Variants in KIAA0513 observed in about 807,000 individuals in gnomAD.
KIAA0513 encodes uncharacterized protein KIAA0513.
KIAA0513 carries 39 observed loss-of-function variants against 56.5 expected under a neutral mutation model. The observed-to-expected ratio is 0.69, with a 90% CI of 0.53 to 0.90. The LOEUF is 0.90. KIAA0513 is among the 40% of genes least tolerant of loss of function. KIAA0513 has a pLI of 0.00. For synonymous variants in KIAA0513, 268 were observed against 215.6 expected (o/e 1.24, Z -2.13); for missense variants, 591 against 535.2 (o/e 1.10, Z -1.03).
intron 4 of KIAA0513, among the ~76,000 whole-genome samples, chr16:85,073,459 G>C (rs553742996): frequency 6.6e-6 from 1 of 152,360 alleles, no homozygotes; most frequent in South Asian, 2.1e-4. Flanking sequence ...ATCACAGGAA[G>C]CCCTTGGTAG....
intron 1 of KIAA0513, among the ~76,000 whole-genome samples, chr16:85,039,572 G>T (rs2073078837): frequency 6.6e-6 from 1 of 152,154 alleles, no homozygotes; most frequent in South Asian, 2.1e-4. Context: ...CTGAGTAACT[G>T]GGACTACAGA....
At chr16:85,080,640 C>G (rs1245965627) in intron 8 of KIAA0513, among the ~76,000 whole-genome samples, 1 of 152,062 alleles carries the variant, frequency 6.6e-6, no homozygotes, top group Non-Finnish European at 1.5e-5. Flanking sequence ...ACTAAAAATA[C>G]AAAATAAGCT....
At chr16:85,077,039 G>C (rs555710356) in intron 5 of KIAA0513, among the ~76,000 whole-genome samples, 1 of 152,000 alleles carries the variant, frequency 6.6e-6, no homozygotes, top group Non-Finnish European at 1.5e-5. Flanking sequence ...CCCCCAACCC[G>C]GTGTCTCCAC....
At chr16:85,038,721 A>AAAT (rs1204727786) in intron 1 of KIAA0513, among the ~76,000 whole-genome samples, 10 of 135,142 alleles carry the variant, frequency 7.4e-5, no homozygotes, top group East Asian at 2.3e-4. Context: ...AAAAAAAAAA[A>AAAT]AATAATAATA....
intron 1 of KIAA0513, among the ~76,000 whole-genome samples, chr16:85,030,538 G>A (rs1333338792): frequency 6.6e-6 from 1 of 152,126 alleles, no homozygotes; most frequent in Non-Finnish European, 1.5e-5. Context: ...CCTGAGGTCA[G>A]GAGTTCGAGA....
intron 8 of KIAA0513, chr16:85,079,393 C>T (rs1015984924): frequency 3.3e-5 from 7 of 210,130 alleles, no homozygotes; most frequent in Admixed American, 5.2e-5. Context: ...AAACCACCTT[C>T]ATGGCTGTCC....
chr16:85,080,006 C>A (rs891818475), intron 8 of KIAA0513, among the ~76,000 whole-genome samples: 4 of 152,188 alleles, frequency 2.6e-5, no homozygotes, highest in Non-Finnish European at 5.9e-5. Flanking sequence ...GGCCCTCCCT[C>A]CCCTGAAGAT....
intron 1 of KIAA0513, among the ~76,000 whole-genome samples, chr16:85,053,828 C>T (rs1396301652): frequency 3.3e-5 from 5 of 152,020 alleles, no homozygotes; most frequent in African/African-American, 9.7e-5. Flanking sequence ...CCCGTCTCTA[C>T]TAAAAATACA....
In KIAA0513 at chr16:85,067,168, G is replaced by C; in HGVS notation, c.97G>C (p.Asp33His). 1 of 1,614,168 alleles carries C rather than the reference G, an allele frequency of 6.2e-7. No homozygotes were observed. Among genetic ancestry groups the C allele is most frequent in the Non-Finnish European group, 8.5e-7 (1 of 1,180,026 alleles). ...PLEAPPPVLQDGDGSLGDGAS... is the reference protein window; with the variant it reads ...PLEAPPPVLQHGDGSLGDGAS... ...GGAGGCACCACCCCCTGTGCTGCAG[G>C]ACGGCGATGGCTCCCTGGGGGACGG... is the stretch of plus-strand genomic sequence containing the variant. Residue 33 changes from aspartate (D) to histidine (H), a missense_variant, in exon 2 of 13, where the codon GAC becomes CAC. By Grantham distance (81) the Asp-to-His change is moderately conservative. Transcript: ENST00000683363.
At position 85,091,484 on chromosome 16, in the gene KIAA0513, C is replaced by T. The variant is rs2073866908; in HGVS notation, c.*3159C>T. On this transcript the variant is annotated 3_prime_UTR_variant, in exon 13 of 13. Coordinates refer to ENST00000683363, the MANE Select transcript of KIAA0513 (RefSeq NM_001388359.1). ...AGGGGGCCAAACAGCTCTGAAATTTCCAAAAAATGGCTAGAGGGAGAGTCC... is the reference window on the plus strand; with the variant it reads ...AGGGGGCCAAACAGCTCTGAAATTTTCAAAAAATGGCTAGAGGGAGAGTCC... 1 of 152,046 alleles carries T rather than the reference C, an allele frequency of 6.6e-6. No individual in the cohort carries two copies. Among genetic ancestry groups the T allele is most frequent in the South Asian group, 2.1e-4 (1 of 4,820 alleles). 9.4% of individuals were successfully genotyped at this position (152,046 alleles called of 1,614,324 possible). A position where few individuals can be genotyped will look rare whatever the true frequency, so the allele number is the denominator to read the frequency against.
At chr16:85,050,403 G>A (rs1185780709) in intron 1 of KIAA0513, among the ~76,000 whole-genome samples, 2 of 151,062 alleles carry the variant, frequency 1.3e-5, no homozygotes, top group Non-Finnish European at 2.9e-5. Flanking sequence ...AGACTGGAGT[G>A]CAGTGGCGCA....
rs578022664 is a variant in KIAA0513, at chr16:85,076,477, T to C, written c.574+563T>C. ...TCAAGGGCTTCCTGCGTGAGTCTCC[T>C]TGGGCTGCAGCAACAGGACTCATTC... On this transcript the variant is annotated intron_variant, in intron 5 of 12. Transcript: ENST00000683363. The surrounding 1 kb of genome is among the most constrained non-coding windows in gnomAD (Gnocchi z 4.7). 6.6e-6 allele frequency among the ~76,000 whole-genome samples: 1 copy of C among 152,262 alleles called. No homozygotes were observed. The highest frequency in any genetic ancestry group is 2.4e-5 in the African/African-American group (1 of 41,554).
At chr16:85,045,608 G>A (rs975585646) in intron 1 of KIAA0513, among the ~76,000 whole-genome samples, 8 of 152,116 alleles carry the variant, frequency 5.3e-5, no homozygotes, top group Non-Finnish European at 8.8e-5. Flanking sequence ...CACCTGCCTC[G>A]GCCTCCCAAA....
chr16:85,065,818 C>T (rs181339204), intron 1 of KIAA0513, among the ~76,000 whole-genome samples: 23 of 152,306 alleles, frequency 1.5e-4, no homozygotes, highest in South Asian at 1.0e-3. Context: ...GAAGGTTCCC[C>T]AGTACCTTCT....
At chr16:85,030,763 A>T (rs1334824868) in intron 1 of KIAA0513, among the ~76,000 whole-genome samples, 1 of 151,990 alleles carries the variant, frequency 6.6e-6, no homozygotes, top group Non-Finnish European at 1.5e-5. Flanking sequence ...AAAAAAGACA[A>T]AAATAAAGGC....
chr16:85,075,194 T>C (rs563518942), intron 4 of KIAA0513, among the ~76,000 whole-genome samples: 79 of 148,740 alleles, frequency 5.3e-4, no homozygotes, highest in African/African-American at 1.9e-3. Context: ...ATTAGTTTTT[T>C]ATATAAAAAG....
intron 1 of KIAA0513, among the ~76,000 whole-genome samples, chr16:85,035,934 G>A (rs113689760): frequency 0.038 from 5,735 of 149,916 alleles, 125 homozygotes; most frequent in Non-Finnish European, 0.054. Flanking sequence ...AGCCGAGATC[G>A]TGCCACTGCA....
intron 2 of KIAA0513, among the ~76,000 whole-genome samples, chr16:85,071,134 G>A (rs1250503444): frequency 6.6e-6 from 1 of 151,610 alleles, no homozygotes; most frequent in Admixed American, 6.6e-5. Context: ...GAAGTGGCCT[G>A]AAATCATGTG....
intron 1 of KIAA0513, among the ~76,000 whole-genome samples, chr16:85,053,902 G>C (rs969377921): frequency 2.7e-5 from 4 of 149,720 alleles, no homozygotes; most frequent in African/African-American, 9.9e-5. Context: ...TGAGGCAGGA[G>C]AATCACTTGA....
Sources: allele counts gnomAD v4.1 joint callset (sites outside exome capture counted in the v4.1 genomes callset), GRCh38; gene constraint gnomAD v4.1.1; non-coding constraint Gnocchi (gnomAD v3.1); transcripts MANE v1.5; gene names NCBI Gene and HGNC (gene_info 2026-07-23, HGNC 2026-07-21).